WDR41: variants seen among roughly 807,000 people sequenced by gnomAD.
WDR41 encodes the protein WD repeat domain 41.
WDR41 carries 63 observed loss-of-function variants against 69.3 expected under a neutral mutation model. The observed-to-expected ratio is 0.91, with a 90% CI of 0.74 to 1.12. The LOEUF is 1.12. WDR41 is among the 50% of genes most tolerant of loss of function. The probability of loss-of-function intolerance (pLI) is 0.00; values close to 1 mark genes in which losing one functional copy is unlikely to be tolerated. For missense variants in WDR41, 543 were observed against 534.5 expected (o/e 1.02, Z -0.16); for synonymous variants, 185 against 192.1 (o/e 0.96, Z 0.31).
chr5:77,505,907 TA>T (rs1227923638), intron 1 of WDR41, among the ~76,000 whole-genome samples: 1 of 152,088 alleles, frequency 6.6e-6, no homozygotes, highest in Non-Finnish European at 1.5e-5. Context: ...TAAAGACTTA[TA>T]TGTTAGACCT....
At chr5:77,508,413 C>T (rs1802147400) in intron 1 of WDR41, among the ~76,000 whole-genome samples, 1 of 152,138 alleles carries the variant, frequency 6.6e-6, no homozygotes, top group Non-Finnish European at 1.5e-5. Context: ...CACACCTGGC[C>T]CTTTTATAAA....
intron 12 of WDR41, 40 bp downstream of exon 12, chr5:77,436,221 G>A (rs775890272): frequency 4.4e-6 from 7 of 1,588,360 alleles, no homozygotes; most frequent in African/African-American, 4.1e-5. Context: ...AAATGCAAAA[G>A]CAGGAGTTGC....
At chr5:77,496,911 A>G (rs1355346759), upstream of WDR41, among the ~76,000 whole-genome samples, 4 of 152,184 alleles carry the variant, frequency 2.6e-5, no homozygotes, top group African/African-American at 9.6e-5. Context: ...ATGTAGACCA[A>G]TGGAATAGAA....
chr5:77,572,803 G>A (rs1743755440), intron 1 of WDR41, among the ~76,000 whole-genome samples: 1 of 152,148 alleles, frequency 6.6e-6, no homozygotes, highest in Non-Finnish European at 1.5e-5. Flanking sequence ...CAAAATACCT[G>A]TTATGGATTG....
chr5:77,594,597 G>C (rs1744192875), intron 1 of WDR41, among the ~76,000 whole-genome samples: 1 of 152,098 alleles, frequency 6.6e-6, no homozygotes, highest in East Asian at 1.9e-4. Flanking sequence ...TATGACACCA[G>C]TAACCATTTC....
At chr5:77,503,634 C>T (rs868007947) in intron 1 of WDR41, among the ~76,000 whole-genome samples, 3 of 152,276 alleles carry the variant, frequency 2.0e-5, no homozygotes, top group Middle Eastern at 3.4e-3. Flanking sequence ...AAGTAAAGCA[C>T]TCCTCAGCAA....
chr5:77,586,822 G>A (rs1353215518), intron 1 of WDR41, among the ~76,000 whole-genome samples: 5 of 149,890 alleles, frequency 3.3e-5, no homozygotes, highest in South Asian at 2.1e-4. Context: ...GGGTTCAAGC[G>A]ATTCTCCTGC....
At chr5:77,601,437 GA>G (rs1744321905) in intron 1 of WDR41, among the ~76,000 whole-genome samples, 1 of 152,138 alleles carries the variant, frequency 6.6e-6, no homozygotes, top group South Asian at 2.1e-4. Flanking sequence ...TCATTAGAAA[GA>G]GTTACAAGGA....
intron 1 of WDR41, among the ~76,000 whole-genome samples, chr5:77,504,134 A>T (rs1032570767): frequency 6.6e-5 from 10 of 150,386 alleles, no homozygotes; most frequent in African/African-American, 2.5e-4. Context: ...TGCTAGCAAG[A>T]CTAATAAAGA....
chr5:77,465,670 CAG>C (rs769676922), intron 2 of WDR41, among the ~76,000 whole-genome samples: 77 of 150,798 alleles, frequency 5.1e-4, no homozygotes, highest in Admixed American at 6.6e-4. Flanking sequence ...TTTAATGACT[CAG>C]AATCAATTTA....
At chr5:77,615,990 C>G (rs1307442645) in intron 1 of WDR41, among the ~76,000 whole-genome samples, 1 of 145,734 alleles carries the variant, frequency 6.9e-6, no homozygotes, top group African/African-American at 2.5e-5. Context: ...GAGACCCTGT[C>G]TCAAAGAAAA....
intron 1 of WDR41, among the ~76,000 whole-genome samples, chr5:77,579,956 C>T (rs1743906232): frequency 6.6e-6 from 1 of 152,036 alleles, no homozygotes; most frequent in Non-Finnish European, 1.5e-5. Flanking sequence ...GAAATGACCA[C>T]AAATTGATGA....
At chr5:77,602,441 A>AT (rs1307245927) in intron 1 of WDR41, among the ~76,000 whole-genome samples, 15 of 152,160 alleles carry the variant, frequency 9.9e-5, no homozygotes, top group African/African-American at 3.6e-4. Context: ...TGCCCAGCCC[A>AT]TTCTACTCTT....
intron 1 of WDR41, among the ~76,000 whole-genome samples, chr5:77,563,021 G>A (rs1743553616): frequency 6.6e-6 from 1 of 152,108 alleles, no homozygotes; most frequent in Non-Finnish European, 1.5e-5. Context: ...GCAATAGACT[G>A]TAAATTCCTT....
At position 77,464,790 on chromosome 5, in the gene WDR41, C is replaced by T. The variant is rs754323163; in HGVS notation, c.187G>A (p.Asp63Asn). 2 of 1,613,580 alleles carry T rather than the reference C, an allele frequency of 1.2e-6. No individual in the cohort carries two copies. Among genetic ancestry groups the T allele is most frequent in the Non-Finnish European group, 1.7e-6 (2 of 1,179,864 alleles). Reference protein sequence around the residue: ...DDYRFASAGDDGIVVVWNAQT... With the variant: ...DDYRFASAGDNGIVVVWNAQT... ...GCATTCCACACAACTACAATTCCAT[C>T]ATCACCAGCAGATGCAAATCTGGTT... Residue 63 changes from aspartate (D) to asparagine (N), a missense_variant, in exon 3 of 13, where the codon GAT becomes AAT. By Grantham distance (23) the Asp-to-Asn change is conservative (BLOSUM62 1). Coordinates refer to ENST00000296679, the MANE Select transcript of WDR41 (RefSeq NM_018268.4).
intron 5 of WDR41, among the ~76,000 whole-genome samples, chr5:77,456,849 G>C (rs1238293182): frequency 6.6e-6 from 1 of 152,036 alleles, no homozygotes; most frequent in African/African-American, 2.4e-5. Context: ...TTACAGACAT[G>C]TGCCACCAGA....
At chr5:77,449,993 C>T in intron 7 of WDR41, 123 bp from the exon 8 acceptor site, 1 of 652,674 alleles carries the variant, frequency 1.5e-6, no homozygotes, top group Non-Finnish European at 2.7e-6. Flanking sequence ...AACCCATCTC[C>T]AAAAAAAAGC....
intron 1 of WDR41, among the ~76,000 whole-genome samples, chr5:77,550,758 A>C (rs536689344): frequency 1.3e-5 from 2 of 152,228 alleles, no homozygotes; most frequent in Admixed American, 6.5e-5. Flanking sequence ...CAAATAAATC[A>C]TTCTACCAAA....
intron 1 of WDR41, among the ~76,000 whole-genome samples, chr5:77,568,954 G>A (rs1743684591): frequency 6.6e-6 from 1 of 152,130 alleles, no homozygotes; most frequent in Admixed American, 6.5e-5. Flanking sequence ...AGAGACTGCA[G>A]TGTCACAGAG....
Sources: gnomAD v4.1 joint callset for allele counts (sites outside exome capture counted in the v4.1 genomes callset) on GRCh38, gnomAD v4.1.1 for gene constraint, MANE v1.5 for transcripts, NCBI Gene and HGNC (gene_info 2026-07-23, HGNC 2026-07-21) for gene names.